PTPRO: variants seen among roughly 807,000 people sequenced by gnomAD.
PTPRO encodes the protein protein tyrosine phosphatase receptor type O.
In PTPRO, 62 loss-of-function variants were observed where a neutral mutation model predicts 145.2. The observed-to-expected ratio is 0.43, with a 90% confidence interval of 0.35 to 0.53. The LOEUF is 0.53. PTPRO is among the 20% of genes least tolerant of loss of function. The probability of loss-of-function intolerance (pLI) is 0.01; values close to 1 mark genes in which losing one functional copy is unlikely to be tolerated. For missense variants in PTPRO, 1,345 were observed against 1,482.7 expected, an observed-to-expected ratio of 0.91 and a Z score of 1.53; for synonymous variants, 565 against 514.7, an observed-to-expected ratio of 1.10 and a Z score of -1.32.
intron 23 of PTPRO, among the ~76,000 whole-genome samples, 173 bp downstream of exon 23, chr12:15,581,974 C>T (rs934581403): frequency 2.6e-5 from 4 of 152,064 alleles, no homozygotes; most frequent in Admixed American, 6.5e-5. Flanking sequence ...CTGAGAGCCT[C>T]GAACAGAGAT....
intron 1 of PTPRO, among the ~76,000 whole-genome samples, chr12:15,472,937 T>C (rs1275573013): frequency 1.3e-5 from 2 of 152,196 alleles, no homozygotes; most frequent in Admixed American, 6.5e-5. Context: ...ATTCTAGTTA[T>C]AAAACTTCAG....
chr12:15,465,214 T>G (rs1941390237), intron 1 of PTPRO, among the ~76,000 whole-genome samples: 1 of 152,202 alleles, frequency 6.6e-6, no homozygotes, highest in Non-Finnish European at 1.5e-5. Flanking sequence ...AAAACATAAA[T>G]ATCATATTGT....
intron 25 of PTPRO, among the ~76,000 whole-genome samples, chr12:15,590,075 C>T (rs969620322): frequency 2.0e-5 from 3 of 152,090 alleles, no homozygotes; most frequent in Non-Finnish European, 4.4e-5. Flanking sequence ...TTAAAGATTC[C>T]CAGTCCCCAA....
At chr12:15,573,107 A>T (rs1944096637) in intron 19 of PTPRO, among the ~76,000 whole-genome samples, 1 of 152,202 alleles carries the variant, frequency 6.6e-6, no homozygotes, top group African/African-American at 2.4e-5. Context: ...ATGTATATAT[A>T]GAGAGATCTA....
At chr12:15,583,207 T>A (rs1300344893) in intron 23 of PTPRO, among the ~76,000 whole-genome samples, 1 of 152,024 alleles carries the variant, frequency 6.6e-6, no homozygotes, top group East Asian at 1.9e-4. Flanking sequence ...GACAACTGAG[T>A]ATGGTGGTTC....
At chr12:15,549,285 G>T in intron 14 of PTPRO, 59 bp downstream of exon 14, 1 of 1,167,282 alleles carries the variant, frequency 8.6e-7, no homozygotes, top group Non-Finnish European at 1.1e-6. Context: ...ATATATATAT[G>T]TATTTGTATC....
Position 15,509,036 on chromosome 12 carries a change from T to A in PTPRO, c.1464+269T>A, listed in dbSNP as rs11056534. ...GCTGAGCATCTATGATGTGCCAGGT[T>A]CTAAGATAGATGTTGGAAATTTTTA... On this transcript the variant is annotated intron_variant, in intron 7 of 26. Transcript: ENST00000281171. Among the ~76,000 whole-genome samples the A allele has an allele frequency of 0.1, 15,295 of 152,246 alleles. 1,392 individuals carry two copies. Among genetic ancestry groups the A allele is most frequent in the African/African-American group, 0.24 (9,992 of 41,520 alleles).
chr12:15,403,299 T>C (rs1206075224), intron 1 of PTPRO, among the ~76,000 whole-genome samples: 1 of 152,140 alleles, frequency 6.6e-6, no homozygotes, highest in Non-Finnish European at 1.5e-5. Context: ...AAAATACTTC[T>C]TGGCCAGGTG....
intron 25 of PTPRO, among the ~76,000 whole-genome samples, chr12:15,591,759 A>G (rs1288184674): frequency 6.6e-6 from 1 of 152,046 alleles, no homozygotes; most frequent in Non-Finnish European, 1.5e-5. Flanking sequence ...GCTACTCGGG[A>G]GGCTGAGGCA....
chr12:15,345,673 C>T (rs1030910885), intron 1 of PTPRO, among the ~76,000 whole-genome samples: 5 of 152,024 alleles, frequency 3.3e-5, no homozygotes, highest in African/African-American at 2.4e-5. Context: ...ATGCAGCAAA[C>T]CACCATGGCA....
chr12:15,455,110 C>T (rs1286356934), intron 1 of PTPRO, among the ~76,000 whole-genome samples: 2 of 152,044 alleles, frequency 1.3e-5, no homozygotes, highest in Admixed American at 6.6e-5. Flanking sequence ...TATCAGCCTA[C>T]CTTCAGATAT....
At position 15,452,423 on chromosome 12, in the gene PTPRO, G is replaced by T. The variant is rs138728069; in HGVS notation, c.76-31551G>T. On this transcript the variant is annotated intron_variant, in intron 1 of 26. Coordinates refer to ENST00000281171, the MANE Select transcript of PTPRO (RefSeq NM_030667.3). ...TGAATTCTATCAGTCTTTCAAAGAA[G>T]AATTGGTACCAATCCTGTTGACACT... is the stretch of plus-strand genomic sequence containing the variant. 6.8e-3 allele frequency among the ~76,000 whole-genome samples: 1,038 copies of T among 152,248 alleles called. 9 individuals are homozygous for T. The highest frequency in any genetic ancestry group is 0.024 in the African/African-American group (1,003 of 41,540).
chr12:15,371,235 C>CTTT (rs549514481), intron 1 of PTPRO, among the ~76,000 whole-genome samples: 2 of 142,286 alleles, frequency 1.4e-5, no homozygotes, highest in Non-Finnish European at 3.1e-5. Context: ...CTCAAGCTCA[C>CTTT]TATTTTTTTT....
At chr12:15,430,116 G>A (rs189453478) in intron 1 of PTPRO, among the ~76,000 whole-genome samples, 84 of 152,098 alleles carry the variant, frequency 5.5e-4, no homozygotes, top group African/African-American at 1.9e-3. Context: ...CTGGAACACC[G>A]AGAAAATAGC....
chr12:15,392,759 G>A (rs1299784567), intron 1 of PTPRO, among the ~76,000 whole-genome samples: 2 of 146,904 alleles, frequency 1.4e-5, no homozygotes, highest in Admixed American at 1.4e-4. Context: ...AAAAGAAGGG[G>A]AGCCCTGCTG....
intron 24 of PTPRO, among the ~76,000 whole-genome samples, chr12:15,588,104 G>C (rs1241971810): frequency 6.6e-6 from 1 of 152,136 alleles, no homozygotes; most frequent in Non-Finnish European, 1.5e-5. Context: ...TTCTCAAAAT[G>C]GTTCTTTTCA....
intron 12 of PTPRO, among the ~76,000 whole-genome samples, chr12:15,545,688 T>A (rs1343421325): frequency 1.3e-5 from 2 of 152,080 alleles, no homozygotes; most frequent in African/African-American, 4.8e-5. Flanking sequence ...AAAAAATTTA[T>A]CTAATGTTTT....
intron 1 of PTPRO, among the ~76,000 whole-genome samples, chr12:15,375,288 G>A (rs1034376921): frequency 1.2e-4 from 18 of 152,218 alleles, no homozygotes; most frequent in Admixed American, 7.2e-4. Context: ...TGCATACACA[G>A]GGGAAAAGAA....
chr12:15,463,729 T>A (rs925916109), intron 1 of PTPRO, among the ~76,000 whole-genome samples: 10 of 152,336 alleles, frequency 6.6e-5, no homozygotes, highest in African/African-American at 2.4e-4. Flanking sequence ...CCCTTTTTAC[T>A]TTCATGCTTC....
Sources: gnomAD v4.1 joint callset for allele counts (sites outside exome capture counted in the v4.1 genomes callset) on GRCh38, gnomAD v4.1.1 for gene constraint, MANE v1.5 for transcripts, NCBI Gene and HGNC (gene_info 2026-07-23, HGNC 2026-07-21) for gene names.